GRAMD4: variants seen among roughly 807,000 people sequenced by gnomAD.
The protein encoded by GRAMD4 is GRAM domain-containing protein 4.
In GRAMD4, 25 loss-of-function variants were observed where a neutral mutation model predicts 83.9. The observed-to-expected ratio is 0.30, with a 90% CI of 0.22 to 0.42. GRAMD4 has a LOEUF of 0.42. GRAMD4 is among the 10% of genes least tolerant of loss of function. The probability of loss-of-function intolerance (pLI) is 1.00; values close to 1 mark genes in which losing one functional copy is unlikely to be tolerated. For missense variants in GRAMD4, 593 were observed against 788.7 expected (o/e 0.75, Z 2.97); for synonymous variants, 336 against 320.9 (o/e 1.05, Z -0.50).
At chr22:46,642,035 G>A (rs1267357959) in intron 3 of GRAMD4, among the ~76,000 whole-genome samples, 1 of 152,272 alleles carries the variant, frequency 6.6e-6, no homozygotes, top group Non-Finnish European at 1.5e-5. Context: ...TCATGAGACA[G>A]TGAATGTAAA....
intron 3 of GRAMD4, among the ~76,000 whole-genome samples, chr22:46,650,329 G>A (rs544097826): frequency 7.7e-6 from 1 of 129,290 alleles, no homozygotes; most frequent in Admixed American, 7.4e-5. Context: ...TGGGTGGAGG[G>A]CTGCGTGTCG....
rs764177316 is a variant in GRAMD4, at chr22:46,663,141, G to A, written c.568G>A (p.Val190Met). The A allele has an allele frequency of 5.6e-6, 9 of 1,612,458 alleles. No homozygotes were observed. The highest frequency in any genetic ancestry group is 6.8e-6 in the Non-Finnish European group (8 of 1,179,666). The change falls in exon 6 of 19, where the codon GTG becomes ATG. Residue 190 changes from valine (V) to methionine (M), a missense_variant. Transcript: ENST00000406902. ...CCGGTTCCAGCCCGAGGAGAACACT[G>A]TGGAGACAGAGGAACCCCTGAGCGC... is the stretch of plus-strand genomic sequence containing the variant. ...DFRFQPEENT[V>M]ETEEPLSARR... is the part of the protein sequence containing the mutation.
chr22:46,657,756 G>A (rs1158038871), intron 3 of GRAMD4, among the ~76,000 whole-genome samples: 2 of 152,200 alleles, frequency 1.3e-5, no homozygotes, highest in South Asian at 2.1e-4. Flanking sequence ...CTCTGCTGCC[G>A]ACGCGTCCCA....
At chr22:46,603,287 A>C (rs2081330794) in intron 1 of GRAMD4, among the ~76,000 whole-genome samples, 1 of 137,488 alleles carries the variant, frequency 7.3e-6, no homozygotes, top group African/African-American at 2.8e-5. Flanking sequence ...GGCTCACTGC[A>C]AGCTCCGCCT....
At chr22:46,654,312 G>A (rs2082210479) in intron 3 of GRAMD4, among the ~76,000 whole-genome samples, 1 of 152,228 alleles carries the variant, frequency 6.6e-6, no homozygotes, top group Non-Finnish European at 1.5e-5. Flanking sequence ...AAGGGCTTCA[G>A]GGCCAGCCCG....
At chr22:46,623,115 A>G (rs1470186691) in intron 1 of GRAMD4, among the ~76,000 whole-genome samples, 1 of 152,066 alleles carries the variant, frequency 6.6e-6, no homozygotes, top group Non-Finnish European at 1.5e-5. Flanking sequence ...CCTGTTTGCC[A>G]TAACGACAGT....
chr22:46,642,576 T>A (rs2081988141), intron 3 of GRAMD4, among the ~76,000 whole-genome samples: 1 of 152,216 alleles, frequency 6.6e-6, no homozygotes, highest in African/African-American at 2.4e-5. Flanking sequence ...CAATGCAGTC[T>A]CTATTTGTTT....
intron 1 of GRAMD4, among the ~76,000 whole-genome samples, chr22:46,589,173 G>A (rs5767277): frequency 0.49 from 73,294 of 150,992 alleles, 19,607 homozygotes; most frequent in African/African-American, 0.73. Context: ...CTGGCTCAGT[G>A]TCCTTGTCCC....
chr22:46,644,381 T>G (rs1052613082), intron 3 of GRAMD4, among the ~76,000 whole-genome samples: 1 of 152,080 alleles, frequency 6.6e-6, no homozygotes, highest in Non-Finnish European at 1.5e-5. Context: ...GTTACACCTG[T>G]CCCTGTTCCA....
At chr22:46,618,426 C>A (rs1013127540), upstream of GRAMD4, among the ~76,000 whole-genome samples, 1 of 152,198 alleles carries the variant, frequency 6.6e-6, no homozygotes. The surrounding 1 kb of genome is among the most constrained non-coding windows in gnomAD (Gnocchi z 5.8). Flanking sequence ...AAATGAGCGA[C>A]GTCCCGGAGC....
exon 1 of GRAMD4, chr22:46,577,215 G>T (rs2081050380): frequency 2.2e-6 from 2 of 898,058 alleles, no homozygotes; most frequent in Non-Finnish European, 2.7e-6. Context: ...CGGGCGGCAG[G>T]CGTAGCGCGG....
intron 1 of GRAMD4, among the ~76,000 whole-genome samples, chr22:46,584,681 G>A (rs1329796264): frequency 6.6e-6 from 1 of 152,190 alleles, no homozygotes; most frequent in Non-Finnish European, 1.5e-5. Flanking sequence ...GGCTGGCTGG[G>A]GCTGGGGAGG....
chr22:46,600,191 GC>G (rs1268850728), intron 1 of GRAMD4, among the ~76,000 whole-genome samples: 1 of 152,188 alleles, frequency 6.6e-6, no homozygotes, highest in Non-Finnish European at 1.5e-5. Context: ...TGTGACCAGT[GC>G]CCGCAGCTGT....
rs1380986649 is a variant in GRAMD4 at position 46,664,227 on chromosome 22, C to T, written c.717+110C>T. 6 of 776,306 alleles carry T rather than the reference C, an allele frequency of 7.7e-6. No individual in the cohort carries two copies. In the Admixed American group the frequency reaches 8.9e-5, roughly 12 times the overall value. 48.1% of individuals were successfully genotyped at this position (776,306 alleles called of 1,614,324 possible). ...GGGAGGTGGCCCCCAGGTGGCACTT[C>T]CTCAGGCCCCAGGGACATGCTCATT... is the stretch of plus-strand genomic sequence containing the variant. On this transcript the variant is annotated intron_variant, in intron 8 of 18. Coordinates refer to ENST00000406902, the MANE Select transcript of GRAMD4 (RefSeq NM_015124.5).
intron 3 of GRAMD4, among the ~76,000 whole-genome samples, chr22:46,652,833 C>G (rs919175346): frequency 2.6e-5 from 4 of 152,152 alleles, no homozygotes; most frequent in Non-Finnish European, 5.9e-5. Flanking sequence ...TTTTCTTACT[C>G]GGGAAAGAGA....
At position 46,679,217 on chromosome 22, in the gene GRAMD4, T is replaced by A. The variant is rs1052639256; in HGVS notation, c.*1966T>A. ...CCAATGAGCGCCTCTTCCTAGGTGC[T>A]GGGATTCAGTCCCCAAACACAGCGG... On this transcript the variant is annotated 3_prime_UTR_variant, in exon 19 of 19. Coordinates refer to ENST00000406902, the MANE Select transcript of GRAMD4 (RefSeq NM_015124.5). The A allele has an allele frequency of 1.0e-6, 1 of 985,458 alleles. No homozygotes were observed. Among genetic ancestry groups the A allele is most frequent in the East Asian group, 1.1e-4 (1 of 8,814 alleles). The allele number at this position is 985,458 out of a possible 1,614,324, so 61.0% of individuals were successfully genotyped here.
chr22:46,657,533 C>T lies in GRAMD4; in HGVS notation c.284-654C>T, dbSNP rs1231557401. Among the ~76,000 whole-genome samples the T allele has an allele frequency of 6.6e-5, 10 of 152,318 alleles. No homozygotes were observed. The East Asian group carries it at 1.5e-3, about 24-fold the overall frequency. On this transcript the variant is annotated intron_variant, in intron 3 of 18. Coordinates refer to ENST00000406902, the MANE Select transcript of GRAMD4 (RefSeq NM_015124.5). ...TCCATCCTCAGTCTTCCAGTCTCTC[C>T]GACCTCTGACCTCTGACCCTGCCTC... is the stretch of plus-strand genomic sequence containing the variant.
At chr22:46,579,844 G>A (rs4823567) in intron 1 of GRAMD4, among the ~76,000 whole-genome samples, 32,254 of 152,104 alleles carry the variant, frequency 0.21, 4,580 homozygotes, top group East Asian at 0.66. Flanking sequence ...CTGGGGAGGC[G>A]TCCCTGTATG....
At chr22:46,624,924 G>C (rs1441331635) in intron 1 of GRAMD4, among the ~76,000 whole-genome samples, 1 of 150,222 alleles carries the variant, frequency 6.7e-6, no homozygotes, top group African/African-American at 2.5e-5. Flanking sequence ...GCAGTGGCGG[G>C]ATCTCAGCTC....
Sources: allele counts gnomAD v4.1 joint callset (sites outside exome capture counted in the v4.1 genomes callset), GRCh38; gene constraint gnomAD v4.1.1; non-coding constraint Gnocchi (gnomAD v3.1); transcripts MANE v1.5; gene names NCBI Gene and HGNC (gene_info 2026-07-23, HGNC 2026-07-21).